PRR16: variants seen among roughly 807,000 people sequenced by gnomAD.
The protein encoded by PRR16 is protein Largen.
In PRR16, 6 loss-of-function variants were observed where a neutral mutation model predicts 18.2. The observed-to-expected ratio is 0.33, with a 90% CI of 0.18 to 0.65. The LOEUF is 0.65. PRR16 is among the 30% of genes least tolerant of loss of function. PRR16 has a pLI of 0.74. For missense variants in PRR16, 412 were observed against 376.6 expected (o/e 1.09, Z -0.78); for synonymous variants, 151 against 147.8 (o/e 1.02, Z -0.16).
chr5:120,754,492 ATG>A, the PRR16 span, among the ~76,000 whole-genome samples: 3 of 63,166 alleles, frequency 4.7e-5, no homozygotes, highest in African/African-American at 6.3e-5. Context: ...AATATATAGT[ATG>A]TATTTTATTA....
chr5:120,639,959 A>G (rs758180005), intron 1 of PRR16, among the ~76,000 whole-genome samples: 3 of 152,072 alleles, frequency 2.0e-5, no homozygotes, highest in African/African-American at 7.2e-5. Context: ...CTATGCAACC[A>G]TTAATAAAGA....
intron 1 of PRR16, chr5:120,531,641 T>A (rs1751554525): frequency 6.6e-6 from 1 of 152,128 alleles, no homozygotes; most frequent in African/African-American, 2.4e-5. Flanking sequence ...GTATCTTCAT[T>A]TATTTAGGTA....
intron 1 of PRR16, among the ~76,000 whole-genome samples, chr5:120,501,106 AT>A (rs1263848881): frequency 3.3e-5 from 5 of 152,180 alleles, no homozygotes; most frequent in Non-Finnish European, 5.9e-5. Flanking sequence ...AAGTTTTTTA[AT>A]TTAAAATAAT....
intron 1 of PRR16, among the ~76,000 whole-genome samples, chr5:120,612,897 G>A (rs1173697220): frequency 3.3e-5 from 5 of 152,062 alleles, no homozygotes; most frequent in African/African-American, 9.7e-5. Context: ...ATTCCCTTGA[G>A]ACTGGGCACT....
chr5:120,477,123 T>C (rs1749466573), intron 1 of PRR16, among the ~76,000 whole-genome samples: 1 of 152,176 alleles, frequency 6.6e-6, no homozygotes, highest in Non-Finnish European at 1.5e-5. Flanking sequence ...AAATTTTTAT[T>C]CTTTAAAAAA....
intron 1 of PRR16, among the ~76,000 whole-genome samples, chr5:120,628,695 CATCTATCT>C (rs10590670): frequency 0.28 from 40,943 of 144,390 alleles, 5,947 homozygotes; most frequent in Non-Finnish European, 0.29. Flanking sequence ...ATCATTCTAC[CATCTATCT>C]ATCTATCTAT....
the PRR16 span, among the ~76,000 whole-genome samples, chr5:120,720,936 A>T: frequency 6.6e-6 from 1 of 152,028 alleles, no homozygotes; most frequent in African/African-American, 2.4e-5. Flanking sequence ...TATCTCAGAG[A>T]ACTATGGTAA....
intron 1 of PRR16, among the ~76,000 whole-genome samples, chr5:120,577,647 G>A (rs1190565888): frequency 3.3e-5 from 5 of 152,138 alleles, no homozygotes; most frequent in Non-Finnish European, 5.9e-5. Flanking sequence ...CGTTTGGTGT[G>A]CCTTCTTCTA....
intron 1 of PRR16, among the ~76,000 whole-genome samples, chr5:120,630,678 G>C (rs147760475): frequency 5.9e-5 from 9 of 152,172 alleles, no homozygotes; most frequent in African/African-American, 2.2e-4. Context: ...AGATGGTGCA[G>C]CTGTTCTAGG....
At chr5:120,631,944 T>G (rs2112840895) in intron 1 of PRR16, among the ~76,000 whole-genome samples, 1 of 152,180 alleles carries the variant, frequency 6.6e-6, no homozygotes, top group South Asian at 2.1e-4. Flanking sequence ...ACCAGCACAC[T>G]AAATGAAAAC....
chr5:120,518,752 T>C (rs550399661), intron 1 of PRR16, among the ~76,000 whole-genome samples: 1 of 152,188 alleles, frequency 6.6e-6, no homozygotes, highest in South Asian at 2.1e-4. Context: ...ATGTGTGTAA[T>C]TGCTACACTT....
At chr5:120,714,822 G>C in the PRR16 span, among the ~76,000 whole-genome samples, 1 of 152,092 alleles carries the variant, frequency 6.6e-6, no homozygotes, top group Non-Finnish European at 1.5e-5. Flanking sequence ...AAAGGAATAA[G>C]ATCATGTACT....
the PRR16 span, among the ~76,000 whole-genome samples, chr5:120,763,241 G>A: frequency 8.0e-3 from 1,212 of 151,932 alleles, 9 homozygotes; most frequent in Admixed American, 0.013. Context: ...CTGCCTCCCC[G>A]GTTCAAGCAA....
chr5:120,675,334 T>C (rs6880134), intron 1 of PRR16, among the ~76,000 whole-genome samples: 117,301 of 152,102 alleles, frequency 0.77, 45,352 homozygotes, highest in East Asian at 0.88. Flanking sequence ...ATTTCAGTTT[T>C]TTTTTAAGGT....
intron 1 of PRR16, among the ~76,000 whole-genome samples, chr5:120,526,459 C>T (rs546379619): frequency 1.3e-5 from 2 of 151,962 alleles, no homozygotes; most frequent in African/African-American, 4.8e-5. Context: ...ATATTTTCCC[C>T]TCAGGCAACA....
chr5:120,784,604 A>G, the PRR16 span, among the ~76,000 whole-genome samples: 11 of 152,202 alleles, frequency 7.2e-5, no homozygotes, highest in African/African-American at 2.2e-4. Context: ...CTCAATAGCA[A>G]AAAAATCTGA....
chr5:120,642,801 A>G (rs1024891645), intron 1 of PRR16, among the ~76,000 whole-genome samples: 2 of 151,978 alleles, frequency 1.3e-5, no homozygotes, highest in Non-Finnish European at 2.9e-5. Flanking sequence ...TAGGCACACG[A>G]AAACACTCTT....
chr5:120,602,520 T>A (rs1754016823), intron 1 of PRR16, among the ~76,000 whole-genome samples: 1 of 152,140 alleles, frequency 6.6e-6, no homozygotes, highest in Admixed American at 6.6e-5. Flanking sequence ...AGAGAGATAG[T>A]TTGACTTCCT....
chr5:120,541,916 C>T (rs1751928483), intron 1 of PRR16, among the ~76,000 whole-genome samples: 3 of 151,870 alleles, frequency 2.0e-5, no homozygotes, highest in South Asian at 4.2e-4. Context: ...TTACCCCCTT[C>T]CTTTCCTCTT....
Sources: gnomAD v4.1 joint callset for allele counts (sites outside exome capture counted in the v4.1 genomes callset) on GRCh38, gnomAD v4.1.1 for gene constraint, MANE v1.5 for transcripts, NCBI Gene and HGNC (gene_info 2026-07-23, HGNC 2026-07-21) for gene names.